The following GABRB2 variants were observed in gnomAD, a reference collection of about 807,000 sequenced individuals.
The protein encoded by GABRB2 is gamma-aminobutyric acid type A receptor subunit beta2.
A neutral mutation model predicts 54.7 loss-of-function variants in GABRB2; 16 were observed. That is an observed-to-expected ratio of 0.29 (90% CI 0.20 to 0.44). GABRB2 has a LOEUF of 0.44. Ranked by LOEUF, GABRB2 falls within the 20% of genes least tolerant of loss-of-function variation. GABRB2 has a pLI of 1.00. For synonymous variants in GABRB2, 244 were observed against 233.8 expected, an observed-to-expected ratio of 1.04 and a Z score of -0.40; for missense variants, 355 against 644.0, an observed-to-expected ratio of 0.55 and a Z score of 4.86.
intron 5 of GABRB2, among the ~76,000 whole-genome samples, chr5:161,340,814 T>A (rs998721396): frequency 6.6e-6 from 1 of 152,056 alleles, no homozygotes; most frequent in African/African-American, 2.4e-5. Flanking sequence ...AGTGAATACA[T>A]ACAATTTGCA....
chr5:161,517,125 T>C (rs1759973281), intron 3 of GABRB2, among the ~76,000 whole-genome samples: 1 of 152,138 alleles, frequency 6.6e-6, no homozygotes, highest in African/African-American at 2.4e-5. Flanking sequence ...ACAATGAAGG[T>C]TATTATATAG....
intron 9 of GABRB2, among the ~76,000 whole-genome samples, chr5:161,323,027 CTTT>C (rs397882556): frequency 7.1e-6 from 1 of 140,920 alleles, no homozygotes; most frequent in Non-Finnish European, 1.5e-5. Flanking sequence ...TTGAAATATA[CTTT>C]TTTTTTTTTT....
In GABRB2 at chr5:161,353,229, G is replaced by A. The variant is rs183813704; in HGVS notation, c.542-16460C>T. Among the ~76,000 whole-genome samples the A allele has an allele frequency of 2.2e-3, 336 of 152,140 alleles. 10 individuals carry two copies. The highest frequency in any genetic ancestry group is 0.02 in the Admixed American group (309 of 15,238). On this transcript the variant is annotated intron_variant, in intron 5 of 9. Transcript: ENST00000393959. Reference sequence around the variant, plus strand: ...TTATTTCTTATGCACAAGCTACTAAGTGCTCACTCAGGGATTTGGAATTGG... The same window carrying A: ...TTATTTCTTATGCACAAGCTACTAAATGCTCACTCAGGGATTTGGAATTGG...
intron 5 of GABRB2, among the ~76,000 whole-genome samples, chr5:161,393,152 C>T (rs762209639): frequency 7.9e-5 from 12 of 151,530 alleles, no homozygotes; most frequent in Non-Finnish European, 1.8e-4. Context: ...CATTTGAAAT[C>T]ACAGGATACC....
intron 4 of GABRB2, among the ~76,000 whole-genome samples, chr5:161,450,012 T>A (rs1247716753): frequency 6.6e-6 from 1 of 152,170 alleles, no homozygotes; most frequent in East Asian, 1.9e-4. Flanking sequence ...TAATAAAATA[T>A]CCTCAATGGA....
intron 5 of GABRB2, among the ~76,000 whole-genome samples, chr5:161,389,376 C>G (rs1285848757): frequency 6.6e-6 from 1 of 151,990 alleles, no homozygotes; most frequent in Non-Finnish European, 1.5e-5. Flanking sequence ...CTCATGTTAA[C>G]AGTGAAAAAC....
chr5:161,363,179 C>T (rs1049064081), intron 5 of GABRB2, among the ~76,000 whole-genome samples: 7 of 152,132 alleles, frequency 4.6e-5, no homozygotes, highest in Non-Finnish European at 1.0e-4. Flanking sequence ...ACATATACAC[C>T]ATGGAATACT....
intron 5 of GABRB2, among the ~76,000 whole-genome samples, chr5:161,390,700 A>C (rs1392039166): frequency 6.6e-6 from 1 of 152,120 alleles, no homozygotes; most frequent in Non-Finnish European, 1.5e-5. Flanking sequence ...ATTTTAAAAA[A>C]TTTAAAAAAA....
chr5:161,399,785 C>A (rs1756127091), intron 5 of GABRB2, among the ~76,000 whole-genome samples: 1 of 152,114 alleles, frequency 6.6e-6, no homozygotes, highest in African/African-American at 2.4e-5. Context: ...CTCCAAGACC[C>A]CATGTCCTCA....
intron 3 of GABRB2, among the ~76,000 whole-genome samples, chr5:161,517,002 T>G (rs1044765296): frequency 1.3e-5 from 2 of 152,216 alleles, no homozygotes; most frequent in African/African-American, 2.4e-5. Flanking sequence ...TCTTTTGTCA[T>G]GAGCCAATTT....
intron 9 of GABRB2, among the ~76,000 whole-genome samples, chr5:161,310,671 A>ACG (rs1161142232): frequency 6.5e-4 from 80 of 122,814 alleles, no homozygotes; most frequent in African/African-American, 2.4e-3. Context: ...ACGCACGCGC[A>ACG]CGCGCGCACA....
At chr5:161,375,824 T>C (rs1755276678) in intron 5 of GABRB2, among the ~76,000 whole-genome samples, 1 of 152,152 alleles carries the variant, frequency 6.6e-6, no homozygotes, top group African/African-American at 2.4e-5. Flanking sequence ...TCAATAATGA[T>C]GAAGAAGATG....
intron 3 of GABRB2, among the ~76,000 whole-genome samples, chr5:161,511,243 C>T (rs2962402): frequency 0.026 from 3,939 of 151,972 alleles, 81 homozygotes; most frequent in East Asian, 0.11. Flanking sequence ...AATAATCTTG[C>T]TCTTTTCTTT....
At chr5:161,306,139 T>C (rs1757684602) in intron 9 of GABRB2, among the ~76,000 whole-genome samples, 1 of 152,192 alleles carries the variant, frequency 6.6e-6, no homozygotes, top group African/African-American at 2.4e-5. Flanking sequence ...CAATCTTGTC[T>C]CAAAAAGTAA....
chr5:161,497,523 T>G (rs1437132156), intron 3 of GABRB2, among the ~76,000 whole-genome samples: 1 of 98,096 alleles, frequency 1.0e-5, no homozygotes, highest in Non-Finnish European at 2.0e-5. Flanking sequence ...TGTGTGAGTG[T>G]GTGTATATGT....
At chr5:161,450,739 A>G (rs1257296777) in intron 4 of GABRB2, among the ~76,000 whole-genome samples, 1 of 152,206 alleles carries the variant, frequency 6.6e-6, no homozygotes, top group Non-Finnish European at 1.5e-5. Flanking sequence ...TGAATATATC[A>G]GAAATTAATT....
chr5:161,342,462 T>C (rs1258331974), intron 5 of GABRB2, among the ~76,000 whole-genome samples: 1 of 152,052 alleles, frequency 6.6e-6, no homozygotes, highest in Non-Finnish European at 1.5e-5. Context: ...ATCAATATAT[T>C]TGGGAGTAAC....
chr5:161,519,741 A>G (rs1167038260), intron 3 of GABRB2, among the ~76,000 whole-genome samples: 1 of 152,176 alleles, frequency 6.6e-6, no homozygotes, highest in Non-Finnish European at 1.5e-5. Context: ...AAGAATCGAT[A>G]CCATCCCAAT....
chr5:161,546,514 A>C, intron 1 of GABRB2, 53 bp downstream of exon 1: 1 of 1,574,076 alleles, frequency 6.4e-7, no homozygotes, highest in Admixed American at 1.8e-5. Flanking sequence ...AGAGGTATGC[A>C]GACAGAACCC....
Sources: allele counts gnomAD v4.1 joint callset (sites outside exome capture counted in the v4.1 genomes callset), GRCh38; gene constraint gnomAD v4.1.1; transcripts MANE v1.5; gene names NCBI Gene and HGNC (gene_info 2026-07-23, HGNC 2026-07-21).